The following PPP1R13B variants were observed in gnomAD, a reference collection of about 807,000 sequenced individuals.
PPP1R13B encodes the protein apoptosis-stimulating of p53 protein 1.
A neutral mutation model predicts 119.8 loss-of-function variants in PPP1R13B; 44 were observed. That is an observed-to-expected ratio of 0.37 (90% CI 0.29 to 0.47). The LOEUF is 0.47. PPP1R13B is among the 20% of genes least tolerant of loss of function. The pLI is 0.99. For missense variants in PPP1R13B, 1,227 were observed against 1,413.5 expected, an observed-to-expected ratio of 0.87 and a Z score of 2.12; for synonymous variants, 542 against 561.5, an observed-to-expected ratio of 0.97 and a Z score of 0.49.
At chr14:103,840,201 C>T (rs2086870705) in intron 1 of PPP1R13B, 1 of 152,202 alleles carries the variant, frequency 6.6e-6, no homozygotes, top group African/African-American at 2.4e-5. Flanking sequence ...CCTAGAACCA[C>T]AGTTTGTGAA....
intron 4 of PPP1R13B, among the ~76,000 whole-genome samples, chr14:103,767,384 G>A (rs1420332035): frequency 1.3e-5 from 2 of 151,858 alleles, no homozygotes; most frequent in Admixed American, 1.3e-4. Flanking sequence ...TGCCTTTTCT[G>A]CTTGTATCAC....
At chr14:103,759,984 AT>A (rs944049990) in intron 4 of PPP1R13B, among the ~76,000 whole-genome samples, 1 of 152,218 alleles carries the variant, frequency 6.6e-6, no homozygotes, top group Non-Finnish European at 1.5e-5. Flanking sequence ...ATGTAATGAA[AT>A]TTTATGGAAG....
chr14:103,756,925 ATTT>A (rs34134431), intron 5 of PPP1R13B, among the ~76,000 whole-genome samples: 28 of 151,088 alleles, frequency 1.9e-4, no homozygotes, highest in African/African-American at 6.8e-4. Flanking sequence ...AGCCTGGGTA[ATTT>A]TTTTTAAATA....
Position 103,746,816 on chromosome 14 carries a change from G to A in PPP1R13B, c.970-263C>T, listed in dbSNP as rs77756311. 3.0e-3 allele frequency: 864 copies of A among 292,274 alleles called. 5 individuals carry two copies. The highest frequency in any genetic ancestry group is 0.018 in the African/African-American group (815 of 46,110). 18.1% of individuals were successfully genotyped at this position (292,274 alleles called of 1,614,324 possible). A position where few individuals can be genotyped will look rare whatever the true frequency, so the allele number is the denominator to read the frequency against. ...GATGTGAGGGCAGAGCAACTTCCCC[G>A]TGATCCACATGCAGCTTCCCTCTTA... On this transcript the variant is annotated intron_variant, in intron 8 of 16. Coordinates refer to ENST00000202556, the MANE Select transcript of PPP1R13B (RefSeq NM_015316.3).
chr14:103,764,975 C>T (rs1040179262), intron 4 of PPP1R13B, among the ~76,000 whole-genome samples: 2 of 152,160 alleles, frequency 1.3e-5, no homozygotes, highest in Non-Finnish European at 2.9e-5. Context: ...CCCGCCACCA[C>T]GCCCGGCTAA....
chr14:103,747,348 T>C (rs1479936152), intron 8 of PPP1R13B: 1 of 152,174 alleles, frequency 6.6e-6, no homozygotes, highest in African/African-American at 2.4e-5. Flanking sequence ...GACGCATCTC[T>C]GCAAAAATAC....
intron 2 of PPP1R13B, among the ~76,000 whole-genome samples, chr14:103,795,415 A>G (rs2085735919): frequency 6.6e-6 from 1 of 152,108 alleles, no homozygotes; most frequent in African/African-American, 2.4e-5. Context: ...CTGTGCTGTG[A>G]CTCTGTGCTC....
chr14:103,818,057 C>A (rs1009082657), intron 1 of PPP1R13B, among the ~76,000 whole-genome samples: 1 of 152,012 alleles, frequency 6.6e-6, no homozygotes, highest in Non-Finnish European at 1.5e-5. Context: ...TATACACATA[C>A]CTTTGAAAAA....
rs774972022 is a variant in PPP1R13B, at chr14:103,740,177, G to T, written c.2239C>A (p.Pro747Thr). 6.2e-7 allele frequency: 1 copy of T among 1,613,836 alleles called. No individual in the cohort carries two copies. Among genetic ancestry groups the T allele is most frequent in the Non-Finnish European group, 8.5e-7 (1 of 1,180,018 alleles). ...MEGTPFYQPS[P>T]SQDFMGTLAD... ...AAGGTGCCCATGAAGTCCTGGGAGG[G>T]GCTGGGCTGGTAGAAAGGGGTGCCC... Residue 747 changes from proline to threonine, a missense_variant, in exon 12 of 17, where the codon CCC (proline) becomes ACC (threonine). By Grantham distance (38) the Pro-to-Thr change is conservative. Coordinates refer to ENST00000202556, the MANE Select transcript of PPP1R13B (RefSeq NM_015316.3). The surrounding 1 kb of genome is among the most constrained non-coding windows in gnomAD (Gnocchi z 4.6).
chr14:103,736,365 A>G (rs1400831191), intron 15 of PPP1R13B, 163 bp from the exon 16 acceptor site: 7 of 679,536 alleles, frequency 1.0e-5, no homozygotes, highest in Non-Finnish European at 1.7e-5. Context: ...TAGGGCCCCC[A>G]CCCGATACCT....
chr14:103,763,241 G>A (rs2084852515), intron 4 of PPP1R13B: 1 of 521,232 alleles, frequency 1.9e-6, no homozygotes, highest in Non-Finnish European at 3.5e-6. Context: ...AACTCAGTGG[G>A]CCTGTTGCTT....
Position 103,738,393 on chromosome 14 carries a change from G to A in PPP1R13B, c.2864+286C>T. The A allele has an allele frequency of 2.2e-6, 1 of 463,508 alleles. No homozygotes were observed. Among genetic ancestry groups the A allele is most frequent in the South Asian group, 2.2e-5 (1 of 44,518 alleles). 28.7% of individuals were successfully genotyped at this position (463,508 alleles called of 1,614,324 possible). ...TGTGAAGAGTCCATACGGAACATAT[G>A]AGAAGGGGAAGATGGAATGATTCAC... On this transcript the variant is annotated intron_variant, in intron 14 of 16. Coordinates refer to ENST00000202556, the MANE Select transcript of PPP1R13B (RefSeq NM_015316.3). The surrounding 1 kb of genome is among the most constrained non-coding windows in gnomAD (Gnocchi z 5.6).
rs1281674501 is a variant in PPP1R13B at position 103,778,752 on chromosome 14, T to G, written c.347A>C (p.Glu116Ala). The G allele has an allele frequency of 2.1e-5, 34 of 1,613,400 alleles. No individual in the cohort carries two copies. The highest frequency in any genetic ancestry group is 2.9e-5 in the Non-Finnish European group (34 of 1,179,320). The part of the protein sequence containing the change: ...VINVPGEKRT[E>A]NGVGNPRVEL... ...TAATTCACTGTCACTTACCCCATTT[T>G]CAGTACGTTTTTCTCCAGGTACATT... Residue 116 changes from glutamate to alanine, a missense_variant, in exon 4 of 17, where the codon GAA becomes GCA. Transcript: ENST00000202556.
At chr14:103,833,471 C>T (rs1476236819) in intron 1 of PPP1R13B, among the ~76,000 whole-genome samples, 1 of 152,048 alleles carries the variant, frequency 6.6e-6, no homozygotes, top group Non-Finnish European at 1.5e-5. Context: ...TGGTGAAACG[C>T]TGTTTCTACT....
chr14:103,797,112 A>T (rs2085778647), intron 2 of PPP1R13B, among the ~76,000 whole-genome samples: 1 of 151,788 alleles, frequency 6.6e-6, no homozygotes, highest in Non-Finnish European at 1.5e-5. Flanking sequence ...AAAAAAAAAA[A>T]AGTATACAAA....
chr14:103,749,049 A>T (rs1054879306), intron 8 of PPP1R13B, among the ~76,000 whole-genome samples: 1 of 152,212 alleles, frequency 6.6e-6, no homozygotes, highest in Non-Finnish European at 1.5e-5. Flanking sequence ...TTTCCCTTAA[A>T]TATTTCTGTA....
chr14:103,791,673 G>A (rs1484113906), intron 2 of PPP1R13B, among the ~76,000 whole-genome samples: 1 of 152,176 alleles, frequency 6.6e-6, no homozygotes, highest in Non-Finnish European at 1.5e-5. Context: ...GTAGTGAGCC[G>A]AGATCCTGCC....
At chr14:103,833,636 C>A (rs2086708319) in intron 1 of PPP1R13B, among the ~76,000 whole-genome samples, 1 of 151,892 alleles carries the variant, frequency 6.6e-6, no homozygotes, top group Non-Finnish European at 1.5e-5. Flanking sequence ...GAGCGAGACT[C>A]CATCTCAAAA....
At chr14:103,770,489 TGA>T (rs770213019) in intron 4 of PPP1R13B, among the ~76,000 whole-genome samples, 40 of 152,002 alleles carry the variant, frequency 2.6e-4, no homozygotes, top group Middle Eastern at 6.8e-3. Flanking sequence ...CACTCCAGCC[TGA>T]GAGACACAGC....
Sources: gnomAD v4.1 joint callset for allele counts (sites outside exome capture counted in the v4.1 genomes callset) on GRCh38, gnomAD v4.1.1 for gene constraint, Gnocchi (gnomAD v3.1) non-coding constraint, MANE v1.5 for transcripts, NCBI Gene and HGNC (gene_info 2026-07-23, HGNC 2026-07-21) for gene names.